Variants in ABCA9 observed in about 807,000 individuals in gnomAD.
ABCA9 encodes the protein ATP-binding cassette sub-family A member 9.
In ABCA9, 183 loss-of-function variants were observed where a neutral mutation model predicts 205.3. The observed-to-expected ratio is 0.89, with a 90% CI of 0.79 to 1.01. The LOEUF is 1.01. Among genes scored for constraint, ABCA9 ranks in the 50% least tolerant of loss-of-function variants. The pLI, the probability that ABCA9 is intolerant of heterozygous loss-of-function variation, is 0.00. For missense variants in ABCA9, 1,805 were observed against 1,912.4 expected (o/e 0.94, Z 1.05); for synonymous variants, 651 against 683.3 (o/e 0.95, Z 0.74).
At chr17:68,977,288 G>C (rs1359873801) in intron 37 of ABCA9, among the ~76,000 whole-genome samples, 3 of 151,928 alleles carry the variant, frequency 2.0e-5, no homozygotes, top group Admixed American at 6.6e-5. Context: ...ATAGATGAGG[G>C]GGGGAAAGAA....
Position 68,990,822 on chromosome 17 carries a change from A to C in ABCA9, c.3837+15T>G, listed in dbSNP as rs764864926. On this transcript the variant is annotated intron_variant, in intron 29 of 38. Transcript: ENST00000340001. ...GAAAAAAAAATAGTTGACGAAGAAC[A>C]TTTCTGAGTTCTACCTCATCAAAGT... 1.3e-6 allele frequency: 2 copies of C among 1,597,410 alleles called. No individual in the cohort carries two copies. Among genetic ancestry groups the C allele is most frequent in the Non-Finnish European group, 1.7e-6 (2 of 1,176,238 alleles).
At chr17:68,984,848 T>C (rs1472560020) in intron 34 of ABCA9, 37 bp downstream of exon 34, 1 of 1,613,636 alleles carries the variant, frequency 6.2e-7, no homozygotes, top group African/African-American at 1.3e-5. Flanking sequence ...ACAGGATCAA[T>C]ACACTCATGC....
At chr17:68,996,134 A>T in intron 25 of ABCA9, 120 bp from the exon 26 acceptor site, 1 of 971,748 alleles carries the variant, frequency 1.0e-6, no homozygotes, top group Non-Finnish European at 1.5e-6. Context: ...TCCCCAAACC[A>T]GTATTTATAT....
rs778546585 is a variant in ABCA9 at position 69,035,205 on chromosome 17, G to A, written c.1128+41C>T. 27 of 1,435,848 alleles carry A rather than the reference G, an allele frequency of 1.9e-5. No individual in the cohort carries two copies. The Admixed American group carries it at 5.9e-4, about 31-fold the overall frequency. 88.9% of individuals were successfully genotyped at this position (1,435,848 alleles called of 1,614,324 possible). On this transcript the variant is annotated intron_variant, in intron 8 of 38. Coordinates refer to ENST00000340001, the MANE Select transcript of ABCA9 (RefSeq NM_080283.4). ...GAATTATTAAGAGGGAATCTGTGTAGAACGGTTTGTAAAAAGTGAAAGTGT... is the reference window on the plus strand; with the variant it reads ...GAATTATTAAGAGGGAATCTGTGTAAAACGGTTTGTAAAAAGTGAAAGTGT...
At chr17:69,068,155 A>G in the ABCA9 span, among the ~76,000 whole-genome samples, 1 of 152,262 alleles carries the variant, frequency 6.6e-6, no homozygotes, top group Admixed American at 6.5e-5. Flanking sequence ...TTTTATAAAC[A>G]TTCAACGGAA....
intron 21 of ABCA9, among the ~76,000 whole-genome samples, 186 bp downstream of exon 21, chr17:69,017,470 A>G (rs560214340): frequency 2.0e-4 from 31 of 152,258 alleles, no homozygotes; most frequent in African/African-American, 6.5e-4. Flanking sequence ...AATCAAATAA[A>G]TTTCATTTCA....
At chr17:69,018,662 T>G in intron 19 of ABCA9, 83 bp from the exon 20 acceptor site, 2 of 985,180 alleles carry the variant, frequency 2.0e-6, no homozygotes, top group East Asian at 5.5e-5. Flanking sequence ...ATGAATATAA[T>G]AACAGAAATA....
At chr17:69,050,207 C>G (rs2071855863) in intron 2 of ABCA9, among the ~76,000 whole-genome samples, 1 of 151,720 alleles carries the variant, frequency 6.6e-6, no homozygotes, top group African/African-American at 2.4e-5. Context: ...AAAGGTAAAA[C>G]ATCTATGTAG....
chr17:68,979,339 G>A (rs1474384313), intron 37 of ABCA9, among the ~76,000 whole-genome samples: 3 of 152,130 alleles, frequency 2.0e-5, no homozygotes, highest in Admixed American at 1.3e-4. Flanking sequence ...AATCAACAAC[G>A]TGAAAATGAC....
intron 1 of ABCA9, among the ~76,000 whole-genome samples, chr17:69,056,051 C>T (rs2072060653): frequency 6.6e-6 from 1 of 152,028 alleles, no homozygotes; most frequent in South Asian, 2.1e-4. Context: ...CCAATGCATA[C>T]ATTAGTAAAG....
At chr17:69,076,283 G>C in the ABCA9 span, among the ~76,000 whole-genome samples, 1 of 151,970 alleles carries the variant, frequency 6.6e-6, no homozygotes. Context: ...TACTCATATG[G>C]TTTTATTTTT....
chr17:69,032,318 C>T, intron 9 of ABCA9, 42 bp from the exon 10 acceptor site: 1 of 1,578,856 alleles, frequency 6.3e-7, no homozygotes, highest in East Asian at 2.2e-5. Flanking sequence ...TCAGTCATCG[C>T]TTCAAGGATT....
the ABCA9 span, among the ~76,000 whole-genome samples, chr17:69,078,062 C>T: frequency 6.6e-6 from 1 of 151,896 alleles, no homozygotes; most frequent in African/African-American, 2.4e-5. Context: ...TAAGAGTATG[C>T]AAAATTTAAA....
At chr17:69,063,002 G>A (rs370002921), upstream of ABCA9, among the ~76,000 whole-genome samples, 10 of 152,216 alleles carry the variant, frequency 6.6e-5, no homozygotes, top group East Asian at 1.7e-3. Context: ...AATCCCATGA[G>A]GTAGGCATTA....
In ABCA9 at chr17:68,974,762, C is replaced by T. The variant is rs1348069808; in HGVS notation, c.*1153G>A. 6.6e-6 allele frequency: 1 copy of T among 152,052 alleles called. No individual in the cohort carries two copies. 9.4% of individuals were successfully genotyped at this position (152,052 alleles called of 1,614,324 possible). On this transcript the variant is annotated 3_prime_UTR_variant, in exon 39 of 39. Transcript: ENST00000340001. The stretch of plus-strand genomic sequence containing the variant: ...TTTGCATAAGAGTATGCCCTTGCAT[C>T]ATAAGAAAACATATAAAAACAGAAA...
chr17:69,038,298 C>CA (rs2071412935), intron 6 of ABCA9, among the ~76,000 whole-genome samples: 1 of 152,180 alleles, frequency 6.6e-6, no homozygotes, highest in African/African-American at 2.4e-5. Flanking sequence ...TCCTGATGAA[C>CA]ATTGATGCAA....
Position 68,984,226 on chromosome 17 carries a change from T to G in ABCA9, c.4380-51A>C, listed in dbSNP as rs554931111. The G allele has an allele frequency of 1.3e-5, 20 of 1,586,494 alleles. No homozygotes were observed. In the Admixed American group the frequency reaches 1.9e-4, roughly 15 times the overall value. ...GAACTCATGGGAATGCTCAAGGTATTTGGAATTTTAAAAAGAAGTTTCCAT... is the reference window on the plus strand; with the variant it reads ...GAACTCATGGGAATGCTCAAGGTATGTGGAATTTTAAAAAGAAGTTTCCAT... On this transcript the variant is annotated intron_variant, in intron 34 of 38. Coordinates refer to ENST00000340001, the MANE Select transcript of ABCA9 (RefSeq NM_080283.4).
At chr17:68,983,901 C>A in intron 35 of ABCA9, 52 bp from the exon 36 acceptor site, 2 of 1,611,914 alleles carry the variant, frequency 1.2e-6, no homozygotes, top group Non-Finnish European at 1.7e-6. Context: ...AAATGTATGG[C>A]TTGTGATGTT....
chr17:69,014,832 T>C (rs1441594628), intron 22 of ABCA9, among the ~76,000 whole-genome samples: 1 of 152,108 alleles, frequency 6.6e-6, no homozygotes, highest in Non-Finnish European at 1.5e-5. Flanking sequence ...ATGAACAATG[T>C]AGACTGGAGA....
Sources: gnomAD v4.1 joint callset for allele counts (sites outside exome capture counted in the v4.1 genomes callset) on GRCh38, gnomAD v4.1.1 for gene constraint, MANE v1.5 for transcripts, NCBI Gene and HGNC (gene_info 2026-07-23, HGNC 2026-07-21) for gene names.